CDH12: variants seen among roughly 807,000 people sequenced by gnomAD.
The protein encoded by CDH12 is cadherin 12.
CDH12 carries 41 observed loss-of-function variants against 74.1 expected under a neutral mutation model. That is an observed-to-expected ratio of 0.55 (90% CI 0.43 to 0.72). CDH12 has a LOEUF of 0.72. Among genes scored for constraint, CDH12 ranks in the 30% least tolerant of loss-of-function variants. The pLI is 0.00. For missense variants in CDH12, 945 were observed against 977.2 expected (o/e 0.97, Z 0.44); for synonymous variants, 399 against 355.0 (o/e 1.12, Z -1.39).
chr5:22,290,217 A>G (rs988846985), intron 3 of CDH12, among the ~76,000 whole-genome samples: 2 of 152,208 alleles, frequency 1.3e-5, no homozygotes, highest in African/African-American at 4.8e-5. Context: ...TCTACACATT[A>G]CCATAAAGTT....
intron 6 of CDH12, among the ~76,000 whole-genome samples, chr5:21,927,522 C>T (rs373637250): frequency 1.3e-4 from 20 of 151,762 alleles, no homozygotes; most frequent in East Asian, 5.9e-4. Context: ...ACCCGGGAGG[C>T]GGAAGTTGCA....
rs976402379 is a variant in CDH12 at position 21,880,584 on chromosome 5, C to T, written c.527-25794G>A. On this transcript the variant is annotated intron_variant, in intron 6 of 14. Coordinates refer to ENST00000382254, the MANE Select transcript of CDH12 (RefSeq NM_004061.5). Reference sequence around the variant, plus strand: ...CTTCCCTTCTTTCTTTCCTTCCTTCCTTCCTTCCTTCCTTCCTTCCTTCCT... The same window carrying T: ...CTTCCCTTCTTTCTTTCCTTCCTTCTTTCCTTCCTTCCTTCCTTCCTTCCT... 6.8e-4 allele frequency among the ~76,000 whole-genome samples: 31 copies of T among 45,600 alleles called. 1 individual carries two copies. The highest frequency in any genetic ancestry group is 2.0e-3 in the African/African-American group (24 of 12,254). The allele number at this position is 45,600 out of a possible 152,430, so 29.9% of individuals were successfully genotyped here. A position where few individuals can be genotyped will look rare whatever the true frequency, so the allele number is the denominator to read the frequency against.
At chr5:21,982,277 G>T (rs1359133488) in intron 5 of CDH12, among the ~76,000 whole-genome samples, 1 of 151,852 alleles carries the variant, frequency 6.6e-6, no homozygotes, top group Non-Finnish European at 1.5e-5. Flanking sequence ...TCTGCCTTTT[G>T]ACTTCAATTA....
chr5:22,068,012 A>G, intron 5 of CDH12, among the ~76,000 whole-genome samples: 1 of 152,042 alleles, frequency 6.6e-6, no homozygotes, highest in East Asian at 1.9e-4. Context: ...AAAAGAAAAA[A>G]GAAACAGCAA....
intron 4 of CDH12, among the ~76,000 whole-genome samples, chr5:22,089,640 A>G (rs1376154667): frequency 2.0e-5 from 3 of 152,182 alleles, no homozygotes; most frequent in Non-Finnish European, 4.4e-5. Context: ...GATCTGGGAG[A>G]AGAAATAACC....
At chr5:22,797,598 G>A (rs1748295457) in intron 1 of CDH12, among the ~76,000 whole-genome samples, 1 of 152,088 alleles carries the variant, frequency 6.6e-6, no homozygotes, top group African/African-American at 2.4e-5. Context: ...AAAAACAATA[G>A]ATATTTGTCA....
At chr5:22,717,137 G>A (rs1250022617) in intron 1 of CDH12, among the ~76,000 whole-genome samples, 2 of 152,058 alleles carry the variant, frequency 1.3e-5, no homozygotes, top group African/African-American at 4.8e-5. Flanking sequence ...TAGTGTCCAC[G>A]AATGTCCTAG....
intron 6 of CDH12, among the ~76,000 whole-genome samples, chr5:21,916,107 T>C (rs2150067839): frequency 6.6e-6 from 1 of 152,228 alleles, no homozygotes; most frequent in Non-Finnish European, 1.5e-5. Flanking sequence ...AGTACCAGGC[T>C]TGAGTGATAC....
At chr5:22,140,205 T>G (rs1405143793) in intron 4 of CDH12, among the ~76,000 whole-genome samples, 1 of 152,110 alleles carries the variant, frequency 6.6e-6, no homozygotes, top group Non-Finnish European at 1.5e-5. Flanking sequence ...TGTCACATAT[T>G]ACCTTTCTCC....
At chr5:21,908,661 G>A (rs1028437607) in intron 6 of CDH12, among the ~76,000 whole-genome samples, 1 of 152,144 alleles carries the variant, frequency 6.6e-6, no homozygotes, top group African/African-American at 2.4e-5. Flanking sequence ...ACATCAGAAA[G>A]CAGAGAGGCA....
chr5:22,818,234 A>G (rs1020671683), intron 1 of CDH12, among the ~76,000 whole-genome samples: 10 of 152,294 alleles, frequency 6.6e-5, no homozygotes, highest in African/African-American at 2.4e-4. Context: ...AAGACACTAC[A>G]AAGTCCAGAC....
intron 5 of CDH12, among the ~76,000 whole-genome samples, chr5:22,023,256 C>T (rs1738106883): frequency 1.3e-5 from 2 of 152,086 alleles, no homozygotes; most frequent in Non-Finnish European, 2.9e-5. Flanking sequence ...ATTCTCCCTT[C>T]CTCACACTAA....
At chr5:22,246,704 T>A (rs1000653910) in intron 3 of CDH12, among the ~76,000 whole-genome samples, 4 of 152,190 alleles carry the variant, frequency 2.6e-5, no homozygotes, top group Non-Finnish European at 5.9e-5. Context: ...TCACAAAATG[T>A]AAGACTTTTC....
intron 1 of CDH12, among the ~76,000 whole-genome samples, chr5:22,829,067 C>G (rs1030155126): frequency 2.0e-5 from 3 of 152,060 alleles, no homozygotes; most frequent in Admixed American, 1.3e-4. Context: ...ATTGAATAAA[C>G]TGAAGGAAGT....
intron 6 of CDH12, among the ~76,000 whole-genome samples, chr5:21,885,155 G>C (rs1383147266): frequency 1.3e-5 from 2 of 151,854 alleles, no homozygotes; most frequent in Non-Finnish European, 2.9e-5. Context: ...CCAAAGTGCT[G>C]GGATTACAGA....
chr5:21,985,495 T>C (rs1242263974), intron 5 of CDH12, among the ~76,000 whole-genome samples: 1 of 152,178 alleles, frequency 6.6e-6, no homozygotes, highest in Non-Finnish European at 1.5e-5. Context: ...ATTACCATTC[T>C]TGAAATCTAT....
chr5:22,660,657 A>G (rs1740299976), intron 1 of CDH12, among the ~76,000 whole-genome samples: 1 of 152,132 alleles, frequency 6.6e-6, no homozygotes, highest in Non-Finnish European at 1.5e-5. Flanking sequence ...GGCTCAAGTA[A>G]TCTCCCTGCC....
intron 3 of CDH12, among the ~76,000 whole-genome samples, chr5:22,276,733 C>T (rs1012994497): frequency 6.6e-6 from 1 of 152,184 alleles, no homozygotes; most frequent in African/African-American, 2.4e-5. Flanking sequence ...GTGGCCCAGG[C>T]TGGAGCGCAG....
chr5:22,376,971 T>C (rs954782978), intron 3 of CDH12, among the ~76,000 whole-genome samples: 1 of 152,158 alleles, frequency 6.6e-6, no homozygotes, highest in African/African-American at 2.4e-5. Flanking sequence ...GGCTGAATTA[T>C]TAAAGACAGG....
Sources: gnomAD v4.1 joint callset for allele counts (sites outside exome capture counted in the v4.1 genomes callset) on GRCh38, gnomAD v4.1.1 for gene constraint, MANE v1.5 for transcripts, NCBI Gene and HGNC (gene_info 2026-07-23, HGNC 2026-07-21) for gene names.